The following RADIL variants were observed in gnomAD, a reference collection of about 807,000 sequenced individuals.
The protein encoded by RADIL is Rap associating with DIL domain, also known as ras-associating and dilute domain-containing protein.
Under a neutral mutation model 97.6 loss-of-function variants are expected in RADIL, and 99 were observed. That is an observed-to-expected ratio of 1.01 (90% CI 0.86 to 1.20). RADIL has a LOEUF of 1.20. RADIL is among the 50% of genes most tolerant of loss of function. RADIL has a pLI of 0.00. For missense variants in RADIL, 1,765 were observed against 1,498.9 expected (o/e 1.18, Z -2.93); for synonymous variants, 803 against 691.8 (o/e 1.16, Z -2.52).
intron 13 of RADIL, 51 bp downstream of exon 13, chr7:4,800,120 C>T (rs753502236): frequency 7.7e-6 from 12 of 1,566,520 alleles, no homozygotes; most frequent in African/African-American, 6.8e-5. Context: ...CATGAACAGG[C>T]GGGGCCAGGC....
chr7:4,868,462 G>T (rs1463047291), intron 2 of RADIL, among the ~76,000 whole-genome samples: 1 of 152,202 alleles, frequency 6.6e-6, no homozygotes, highest in Admixed American at 6.5e-5. Flanking sequence ...ACTAGAGGGT[G>T]CAAAGCCGAA....
rs1783224146 is a variant in RADIL, at chr7:4,834,096, A to G, written c.1416+511T>C. On this transcript the variant is annotated intron_variant, in intron 4 of 14. Transcript: ENST00000399583. The surrounding 1 kb of genome is among the most constrained non-coding windows in gnomAD (Gnocchi z 6.0). ...CTGGAGGAAAGTTCGTCAACGCACAAAAGGTGACGGGCCCTGCACCTCCAA... is the reference window on the plus strand; with the variant it reads ...CTGGAGGAAAGTTCGTCAACGCACAGAAGGTGACGGGCCCTGCACCTCCAA... 6.6e-6 allele frequency among the ~76,000 whole-genome samples: 1 copy of G among 152,174 alleles called. No homozygotes were observed. Among genetic ancestry groups the G allele is most frequent in the Non-Finnish European group, 1.5e-5 (1 of 68,014 alleles).
chr7:4,831,746 G>C (rs1167532836), intron 5 of RADIL, among the ~76,000 whole-genome samples: 1 of 151,064 alleles, frequency 6.6e-6, no homozygotes, highest in African/African-American at 2.4e-5. Flanking sequence ...AAATTAGCCA[G>C]GCATGGTGGT....
At chr7:4,806,451 T>C (rs1227263000) in intron 9 of RADIL, among the ~76,000 whole-genome samples, 3 of 152,176 alleles carry the variant, frequency 2.0e-5, no homozygotes, top group Non-Finnish European at 2.9e-5. Flanking sequence ...CCTCCCAAAG[T>C]GTTGGGATTG....
rs1782911010 is a variant in RADIL, at chr7:4,824,172, C to A, written c.1455-1618G>T. ...CCCTGCTGCCTGCCCCATGGCTGGC[C>A]CGGGTACCCCTTGTCACCTGTGTCC... On this transcript the variant is annotated intron_variant, in intron 5 of 14. Coordinates refer to ENST00000399583, the MANE Select transcript of RADIL (RefSeq NM_018059.5). The surrounding 1 kb of genome is among the most constrained non-coding windows in gnomAD (Gnocchi z 6.7). Among the ~76,000 whole-genome samples, 1 of 152,214 alleles carries A rather than the reference C, an allele frequency of 6.6e-6. No homozygotes were observed. Among genetic ancestry groups the A allele is most frequent in the Non-Finnish European group, 1.5e-5 (1 of 68,034 alleles).
chr7:4,823,341 T>TC (rs1782887088), intron 5 of RADIL, among the ~76,000 whole-genome samples: 1 of 142,244 alleles, frequency 7.0e-6, no homozygotes, highest in East Asian at 1.9e-4. Context: ...CTTTTTTTTT[T>TC]TTTTTTTTTT....
chr7:4,839,949 G>A (rs1475712252), intron 2 of RADIL, among the ~76,000 whole-genome samples: 12 of 152,246 alleles, frequency 7.9e-5, no homozygotes, highest in East Asian at 1.9e-4. Context: ...GGGTTTCACC[G>A]TCTTGGACAG....
chr7:4,835,408 C>T lies in RADIL; in HGVS notation c.784-169G>A, dbSNP rs1280388966. ...AGAACCCCGACGGCTCTCAGGAACC[C>T]GCCCCTCGATGTCCGGGCCCATCCC... On this transcript the variant is annotated intron_variant, in intron 3 of 14. Transcript: ENST00000399583. This position sits in a 1 kb window ranked among gnomAD's most constrained non-coding sequence, Gnocchi z 5.8. Among the ~76,000 whole-genome samples, 4 of 152,200 alleles carry T rather than the reference C, an allele frequency of 2.6e-5. No homozygotes were observed. Among genetic ancestry groups the T allele is most frequent in the Admixed American group, 6.5e-5 (1 of 15,288 alleles).
chr7:4,876,273 G>C (rs1033085975), intron 2 of RADIL, among the ~76,000 whole-genome samples: 4 of 152,082 alleles, frequency 2.6e-5, no homozygotes, highest in African/African-American at 7.2e-5. Flanking sequence ...ACAGGTGTGA[G>C]CCACCACACC....
Position 4,857,823 on chromosome 7 carries a change from A to G in RADIL, c.535+19782T>C, listed in dbSNP as rs1562452458. ...CAGTGCTTGAATATACCAGGAGTAC[A>G]GATACCATAAAACAAAGCAAACTCC... is the stretch of plus-strand genomic sequence containing the variant. On this transcript the variant is annotated intron_variant, in intron 2 of 14. Coordinates refer to ENST00000399583, the MANE Select transcript of RADIL (RefSeq NM_018059.5). 2.6e-5 allele frequency: 4 copies of G among 152,658 alleles called. No homozygotes were observed. The South Asian group carries it at 8.3e-4, about 32-fold the overall frequency. The allele number at this position is 152,658 out of a possible 1,614,324, so 9.5% of individuals were successfully genotyped here.
At chr7:4,830,672 G>A (rs1783115028) in intron 5 of RADIL, among the ~76,000 whole-genome samples, 1 of 151,992 alleles carries the variant, frequency 6.6e-6, no homozygotes, top group Non-Finnish European at 1.5e-5. Context: ...GAGGTCAGGA[G>A]TTCGAGACCA....
intron 2 of RADIL, among the ~76,000 whole-genome samples, chr7:4,852,952 G>A (rs1583308029): frequency 6.6e-6 from 1 of 152,224 alleles, no homozygotes; most frequent in Non-Finnish European, 1.5e-5. Context: ...CAGGTCCACA[G>A]ATGGAAAGAA....
intron 4 of RADIL, among the ~76,000 whole-genome samples, chr7:4,832,757 A>AG (rs1357625423): frequency 6.9e-6 from 1 of 145,622 alleles, no homozygotes; most frequent in African/African-American, 2.8e-5. Context: ...AAAAAAAAAA[A>AG]AAAAAAGAAT....
rs181345940 is a variant in RADIL at position 4,873,543 on chromosome 7, G to A, written c.535+4062C>T. Reference sequence around the variant, plus strand: ...ATGCAGGAGCTGAAGGGGCCCTGGCGTGCGCTGGACCTCACTGGGCCTGCC... The same window carrying A: ...ATGCAGGAGCTGAAGGGGCCCTGGCATGCGCTGGACCTCACTGGGCCTGCC... On this transcript the variant is annotated intron_variant, in intron 2 of 14. Transcript: ENST00000399583. This position sits in a 1 kb window ranked among gnomAD's most constrained non-coding sequence, Gnocchi z 4.3. Among the ~76,000 whole-genome samples the A allele has an allele frequency of 9.2e-5, 14 of 152,346 alleles. No homozygotes were observed. The highest frequency in any genetic ancestry group is 2.1e-4 in the South Asian group (1 of 4,828).
At chr7:4,863,469 C>G (rs888213942) in intron 2 of RADIL, among the ~76,000 whole-genome samples, 1 of 152,148 alleles carries the variant, frequency 6.6e-6, no homozygotes, top group Non-Finnish European at 1.5e-5. Context: ...CTTGGAATGC[C>G]TGTGTAGACG....
chr7:4,802,200 C>T (rs956456807), intron 11 of RADIL, among the ~76,000 whole-genome samples: 1 of 152,236 alleles, frequency 6.6e-6, no homozygotes, highest in African/African-American at 2.4e-5. Context: ...TGGGCCAGGA[C>T]TCCCGGGGTT....
chr7:4,831,698 C>A (rs527353825), intron 5 of RADIL, among the ~76,000 whole-genome samples: 1 of 147,666 alleles, frequency 6.8e-6, no homozygotes, highest in East Asian at 2.0e-4. Context: ...TGGCCAATAT[C>A]GTGAAACCCC....
intron 2 of RADIL, among the ~76,000 whole-genome samples, chr7:4,853,160 G>A (rs1486321703): frequency 6.6e-6 from 1 of 152,206 alleles, no homozygotes; most frequent in Non-Finnish European, 1.5e-5. Context: ...GGCTGTGGCA[G>A]CCAGAATTCT....
chr7:4,802,449 T>TC (rs1782129415), intron 11 of RADIL, among the ~76,000 whole-genome samples: 2 of 89,814 alleles, frequency 2.2e-5, no homozygotes, highest in Non-Finnish European at 4.7e-5. Context: ...CTGGGCCCCC[T>TC]CCCCGGGCAC....
Sources: gnomAD v4.1 joint callset for allele counts (sites outside exome capture counted in the v4.1 genomes callset) on GRCh38, gnomAD v4.1.1 for gene constraint, Gnocchi (gnomAD v3.1) non-coding constraint, MANE v1.5 for transcripts, NCBI Gene and HGNC (gene_info 2026-07-23, HGNC 2026-07-21) for gene names.